SLC25A29: variants seen among roughly 807,000 people sequenced by gnomAD.
The protein encoded by SLC25A29 is mitochondrial basic amino acids transporter.
In SLC25A29, 13 loss-of-function variants were observed where a neutral mutation model predicts 10.0. That is an observed-to-expected ratio of 1.30 (90% CI 0.85 to 2.07). SLC25A29 has a LOEUF of 2.07. Ranked by LOEUF, SLC25A29 falls within the 30% of genes most tolerant of loss-of-function variation. The pLI is 0.00. For missense variants in SLC25A29, 475 were observed against 447.6 expected, an observed-to-expected ratio of 1.06 and a Z score of -0.55; for synonymous variants, 244 against 221.1, an observed-to-expected ratio of 1.10 and a Z score of -0.92.
Position 100,306,308 on chromosome 14 carries a change from G to A in SLC25A29, c.-76C>T. The A allele has an allele frequency of 2.3e-6, 3 of 1,292,620 alleles. No individual in the cohort carries two copies. Among genetic ancestry groups the A allele is most frequent in the East Asian group, 3.1e-5 (1 of 31,808 alleles). 80.1% of individuals were successfully genotyped at this position (1,292,620 alleles called of 1,614,324 possible). A position where few individuals can be genotyped will look rare whatever the true frequency, so the allele number is the denominator to read the frequency against. ...CCCTCGCCGGGCTGGGCGCCGTCGG[G>A]GTCCCCGAGCGCGCGGTGCCGGGGC... On this transcript the variant is annotated 5_prime_UTR_variant, in exon 1 of 4. Transcript: ENST00000359232.
intron 2 of SLC25A29, chr14:100,295,105 C>T (rs1486291145): frequency 1.2e-5 from 2 of 160,522 alleles, no homozygotes; most frequent in Non-Finnish European, 2.8e-5. Context: ...TTGCAGATCA[C>T]AGACACTGGT....
the SLC25A29 span, among the ~76,000 whole-genome samples, chr14:100,285,241 G>C: frequency 1.3e-5 from 2 of 151,942 alleles, no homozygotes; most frequent in Non-Finnish European, 2.9e-5. Flanking sequence ...AGCGCGGGCA[G>C]CCCTGCCCGC....
chr14:100,288,533 G>A (rs1043281954), downstream of SLC25A29, among the ~76,000 whole-genome samples: 1 of 152,056 alleles, frequency 6.6e-6, no homozygotes, highest in African/African-American at 2.4e-5. Context: ...CCGCCCTGGT[G>A]GCCCTCTTGA....
chr14:100,281,597 C>T, the SLC25A29 span: 1 of 152,244 alleles, frequency 6.6e-6, no homozygotes, highest in Non-Finnish European at 1.5e-5. Flanking sequence ...GCTGCACTTT[C>T]TTGGGGTTCT....
At chr14:100,286,308 A>C (rs1417344286), downstream of SLC25A29, among the ~76,000 whole-genome samples, 1 of 152,124 alleles carries the variant, frequency 6.6e-6, no homozygotes, top group Non-Finnish European at 1.5e-5. Context: ...TACTGTCACA[A>C]CACCAAACAG....
rs759305387 is a variant in SLC25A29 at position 100,292,683 on chromosome 14, G to T, written c.512C>A (p.Thr171Asn). Reference protein sequence around the residue: ...ETPSFGVYFLTYDALTRALGC... With the variant: ...ETPSFGVYFLNYDALTRALGC... Reference sequence around the variant, plus strand: ...CAGCGCCCGCGTGAGAGCGTCATAGGTGAGGAAGTAGACGCCGAAGCTGGG... The same window carrying T: ...CAGCGCCCGCGTGAGAGCGTCATAGTTGAGGAAGTAGACGCCGAAGCTGGG... The change falls in exon 4 of 4, where the codon ACC (threonine) becomes AAC (asparagine). Residue 171 changes from threonine (T) to asparagine (N), a missense_variant. Transcript: ENST00000359232. 5 of 1,603,152 alleles carry T rather than the reference G, an allele frequency of 3.1e-6. No homozygotes were observed. Among genetic ancestry groups the T allele is most frequent in the Non-Finnish European group, 4.3e-6 (5 of 1,176,420 alleles).
Position 100,292,234 on chromosome 14 carries a change from G to GA in SLC25A29, c.*48_*49insT, listed in dbSNP as rs1346993883. On this transcript the variant is annotated 3_prime_UTR_variant, in exon 4 of 4. Transcript: ENST00000359232. ...GCAATCGACTCAGGGGCCAATTTAT[G>GA]TCCCAGGTTTCTGAGAAGGAGCCCT... 6.5e-7 allele frequency: 1 copy of GA among 1,526,730 alleles called. No homozygotes were observed. Among genetic ancestry groups the GA allele is most frequent in the East Asian group, 2.5e-5 (1 of 39,742 alleles). 94.6% of individuals were successfully genotyped at this position (1,526,730 alleles called of 1,614,324 possible).
intron 2 of SLC25A29, 41 bp downstream of exon 2, chr14:100,298,801 A>G (rs780448321): frequency 8.1e-6 from 13 of 1,613,858 alleles, no homozygotes; most frequent in African/African-American, 1.3e-5. Flanking sequence ...GCCTCTCTCC[A>G]ATGTACGCGC....
chr14:100,297,338 A>G (rs1240841742), intron 2 of SLC25A29, among the ~76,000 whole-genome samples: 1 of 152,208 alleles, frequency 6.6e-6, no homozygotes, highest in Non-Finnish European at 1.5e-5. Context: ...TCAGTGGCTC[A>G]GGACAGCAGA....
At chr14:100,298,739 C>T in intron 2 of SLC25A29, 103 bp downstream of exon 2, 1 of 1,451,300 alleles carries the variant, frequency 6.9e-7, no homozygotes, top group South Asian at 1.1e-5. Flanking sequence ...AAAGCAGCTG[C>T]CCACCTGGGG....
intron 3 of SLC25A29, 122 bp from the exon 4 acceptor site, chr14:100,293,154 T>A: frequency 9.0e-6 from 13 of 1,452,084 alleles, no homozygotes; most frequent in Non-Finnish European, 1.2e-5. Flanking sequence ...CAAGCAGAAT[T>A]TCGTTAGAAC....
chr14:100,292,632 A>G lies in SLC25A29; in HGVS notation c.563T>C (p.Leu188Pro), dbSNP rs1472535863. 1 of 1,598,438 alleles carries G rather than the reference A, an allele frequency of 6.3e-7. No individual in the cohort carries two copies. Among genetic ancestry groups the G allele is most frequent in the East Asian group, 2.3e-5 (1 of 44,134 alleles). Residue 188 changes from leucine to proline, a missense_variant, in exon 4 of 4, where the codon CTG becomes CCG. Leu to Pro is a moderately conservative substitution (Grantham distance 98, BLOSUM62 -3). Coordinates refer to ENST00000359232, the MANE Select transcript of SLC25A29 (RefSeq NM_001039355.3). ...ALGCEPGDRL[L>P]VPKLLLAGGT... is the part of the protein sequence containing the mutation. ...GCCCGCCAACAGCAGCTTGGGCACC[A>G]GCAGGCGGTCGCCCGGCTCGCAGCC... is the stretch of plus-strand genomic sequence containing the variant.
rs1218846501 is a variant in SLC25A29, at chr14:100,292,535, G to A, written c.660C>T (p.Asp220=). Residue 220 remains aspartate (D), a synonymous_variant, in exon 4 of 4, where the codon GAC becomes GAT. Coordinates refer to ENST00000359232, the MANE Select transcript of SLC25A29 (RefSeq NM_001039355.3). ...GGTAGCGCGGGGCGCCCCGCAGTCC[G>A]TCCGCCTGCAGCCGCGACTTGACCA... ...VDVVKSRLQA[D]GLRGAPRYRG... is the part of the protein sequence containing the mutation. 1.1e-5 allele frequency: 18 copies of A among 1,594,018 alleles called. No homozygotes were observed. The highest frequency in any genetic ancestry group is 1.1e-4 in the Admixed American group (6 of 56,998).
chr14:100,298,766 G>A, intron 2 of SLC25A29, 76 bp downstream of exon 2: 16 of 1,592,624 alleles, frequency 1.0e-5, no homozygotes, highest in Non-Finnish European at 1.3e-5. Flanking sequence ...ACGGAAACAG[G>A]CTTCCAGCCA....
At position 100,306,215 on chromosome 14, in the gene SLC25A29, C is replaced by T; in HGVS notation, c.18G>A (p.Leu6=). The T allele has an allele frequency of 1.3e-6, 2 of 1,516,020 alleles. No homozygotes were observed. The highest frequency in any genetic ancestry group is 2.8e-5 in the East Asian group (1 of 36,362). The allele number at this position is 1,516,020 out of a possible 1,614,324, so 93.9% of individuals were successfully genotyped here. ...CCTCCTTACCCCCCGCGCATCCAGC[C>T]AAGAAGTCCAGCGCCATGGCCGGGT... is the stretch of plus-strand genomic sequence containing the variant. MALDF[L]AGCAGGVAGV... is the part of the protein sequence containing the mutation. The change falls in exon 1 of 4, where the codon TTG becomes TTA. Residue 6 remains leucine, a synonymous_variant. Transcript: ENST00000359232.
chr14:100,300,929 T>C (rs1463804053), intron 1 of SLC25A29, among the ~76,000 whole-genome samples: 1 of 152,182 alleles, frequency 6.6e-6, no homozygotes, highest in African/African-American at 2.4e-5. Context: ...AGACAGAGTC[T>C]CGCTCTGTCG....
chr14:100,300,125 G>T (rs1892441952), intron 1 of SLC25A29: 2 of 222,986 alleles, frequency 9.0e-6, no homozygotes, highest in Non-Finnish European at 1.5e-5. Flanking sequence ...ACAAAAATTA[G>T]CCAGGTGTGG....
chr14:100,291,108 C>T (rs927992872), downstream of SLC25A29: 7 of 152,424 alleles, frequency 4.6e-5, no homozygotes, highest in Middle Eastern at 3.4e-3. Flanking sequence ...CAAAGGCAGC[C>T]TCGCCACTTA....
the SLC25A29 span, among the ~76,000 whole-genome samples, chr14:100,285,808 G>GC: frequency 2.6e-5 from 4 of 152,046 alleles, no homozygotes; most frequent in African/African-American, 9.7e-5. Context: ...GCCCTGGGAC[G>GC]CCCCCCCTTC....
Sources: allele counts gnomAD v4.1 joint callset (sites outside exome capture counted in the v4.1 genomes callset), GRCh38; gene constraint gnomAD v4.1.1; transcripts MANE v1.5; gene names NCBI Gene and HGNC (gene_info 2026-07-23, HGNC 2026-07-21).